The following ARHGAP26 variants were observed in gnomAD, a reference collection of about 807,000 sequenced individuals.
ARHGAP26 encodes Rho GTPase activating protein 26, also known as rho GTPase-activating protein 26.
A neutral mutation model predicts 104.8 loss-of-function variants in ARHGAP26; 38 were observed. The observed-to-expected ratio is 0.36, with a 90% CI of 0.28 to 0.48. ARHGAP26 has a LOEUF of 0.48. Among genes scored for constraint, ARHGAP26 ranks in the 20% least tolerant of loss-of-function variants. The probability of loss-of-function intolerance (pLI) is 0.99; values close to 1 mark genes in which losing one functional copy is unlikely to be tolerated. For missense variants in ARHGAP26, 704 were observed against 947.9 expected (o/e 0.74, Z 3.38); for synonymous variants, 341 against 340.0 (o/e 1.00, Z -0.03).
At chr5:142,907,447 G>T in intron 8 of ARHGAP26, 1 of 227,680 alleles carries the variant, frequency 4.4e-6, no homozygotes. Context: ...TGTATTTTAA[G>T]ACCCACTGGA....
chr5:143,214,290 T>C (rs1353323693), intron 22 of ARHGAP26, among the ~76,000 whole-genome samples: 1 of 152,146 alleles, frequency 6.6e-6, no homozygotes, highest in Non-Finnish European at 1.5e-5. Context: ...CCGGAGACAT[T>C]GTGAAGAGTG....
chr5:143,025,055 C>T (rs751157654), intron 12 of ARHGAP26, among the ~76,000 whole-genome samples: 7 of 152,118 alleles, frequency 4.6e-5, no homozygotes, highest in Non-Finnish European at 7.3e-5. Context: ...CTGGTATTAT[C>T]GGCAATGATT....
At chr5:142,996,221 CA>C (rs1019017258) in intron 11 of ARHGAP26, among the ~76,000 whole-genome samples, 2 of 152,168 alleles carry the variant, frequency 1.3e-5, no homozygotes, top group African/African-American at 4.8e-5. Context: ...TGGCTGGGTG[CA>C]GTGGCTCACA....
At chr5:143,062,899 A>G (rs895237424) in intron 17 of ARHGAP26, among the ~76,000 whole-genome samples, 4 of 152,230 alleles carry the variant, frequency 2.6e-5, no homozygotes, top group Non-Finnish European at 5.9e-5. Flanking sequence ...TTTGCCATCA[A>G]GACTAGTCCA....
At chr5:143,153,314 C>T (rs1219871928) in intron 20 of ARHGAP26, among the ~76,000 whole-genome samples, 3 of 152,176 alleles carry the variant, frequency 2.0e-5, no homozygotes, top group Admixed American at 2.0e-4. Context: ...ATACTGGTCT[C>T]TGGACCTGAG....
At chr5:143,038,684 CTTTTTTTTTTTTTTTT>C (rs60428049) in intron 13 of ARHGAP26, among the ~76,000 whole-genome samples, 18 of 64,436 alleles carry the variant, frequency 2.8e-4, no homozygotes, top group South Asian at 1.9e-3. Context: ...GACATACGGC[CTTTTTTTTTTTTTTTT>C]TTTTTTTTTT....
intron 1 of ARHGAP26, among the ~76,000 whole-genome samples, chr5:142,867,322 TGTGTG>T (rs1754486903): frequency 4.0e-5 from 6 of 148,742 alleles, no homozygotes; most frequent in Non-Finnish European, 8.9e-5. Flanking sequence ...TGTGTGTGTG[TGTGTG>T]TTTTGTTTGT....
chr5:142,900,253 A>T (rs770589832), intron 6 of ARHGAP26, among the ~76,000 whole-genome samples: 2 of 152,190 alleles, frequency 1.3e-5, no homozygotes, highest in Non-Finnish European at 2.9e-5. Flanking sequence ...ATAAGCCCAA[A>T]GCCTTCGGCC....
intron 16 of ARHGAP26, among the ~76,000 whole-genome samples, chr5:143,057,430 T>C (rs1562343294): frequency 6.6e-6 from 1 of 152,096 alleles, no homozygotes; most frequent in Non-Finnish European, 1.5e-5. Flanking sequence ...TTGATGACAA[T>C]TTTTTTGGCA....
chr5:142,799,744 C>A (rs1761690746), intron 1 of ARHGAP26, among the ~76,000 whole-genome samples: 1 of 152,124 alleles, frequency 6.6e-6, no homozygotes, highest in African/African-American at 2.4e-5. Flanking sequence ...GGGAGCAAAC[C>A]CATCTGTTTA....
At chr5:143,216,242 A>G (rs370551709) in intron 22 of ARHGAP26, 7 of 471,018 alleles carry the variant, frequency 1.5e-5, no homozygotes, top group African/African-American at 8.0e-5. Context: ...AGCTCCGGGC[A>G]CCTCCACCTC....
intron 11 of ARHGAP26, among the ~76,000 whole-genome samples, chr5:142,940,839 A>G (rs2578589): frequency 0.48 from 73,118 of 151,700 alleles, 21,688 homozygotes; most frequent in East Asian, 0.91. Flanking sequence ...CACTTTGGGA[A>G]GCCGAGGTGG....
chr5:143,152,792 C>T (rs570332418), intron 20 of ARHGAP26, among the ~76,000 whole-genome samples: 13 of 152,258 alleles, frequency 8.5e-5, no homozygotes, highest in South Asian at 4.2e-4. Context: ...TTAAAGATGA[C>T]GGATTACTGG....
intron 11 of ARHGAP26, among the ~76,000 whole-genome samples, chr5:142,987,729 C>T (rs1490391230): frequency 2.0e-5 from 3 of 152,116 alleles, no homozygotes; most frequent in Non-Finnish European, 2.9e-5. Flanking sequence ...TTGTCAAAGG[C>T]CTTTTCTGTA....
intron 1 of ARHGAP26, among the ~76,000 whole-genome samples, chr5:142,823,520 T>C (rs780610111): frequency 1.3e-5 from 2 of 152,172 alleles, no homozygotes; most frequent in African/African-American, 2.4e-5. Context: ...TACACCACTC[T>C]TTTTGTTTTT....
At chr5:143,140,619 C>T (rs1798400392) in intron 19 of ARHGAP26, among the ~76,000 whole-genome samples, 1 of 152,054 alleles carries the variant, frequency 6.6e-6, no homozygotes, top group South Asian at 2.1e-4. Context: ...TTGGAGCCTG[C>T]AGATTCCAAA....
intron 20 of ARHGAP26, among the ~76,000 whole-genome samples, chr5:143,148,483 A>G (rs1179789861): frequency 6.6e-6 from 1 of 152,236 alleles, no homozygotes; most frequent in Non-Finnish European, 1.5e-5. Context: ...ATGTGACTAT[A>G]CTGTAGGATG....
intron 17 of ARHGAP26, among the ~76,000 whole-genome samples, chr5:143,089,493 T>C (rs6874920): frequency 0.085 from 12,967 of 152,248 alleles, 982 homozygotes; most frequent in East Asian, 0.29. Flanking sequence ...TATACTTCCA[T>C]CAGGGGTGGT....
intron 17 of ARHGAP26, among the ~76,000 whole-genome samples, chr5:143,073,244 G>A (rs10076583): frequency 0.016 from 2,398 of 152,216 alleles, 72 homozygotes; most frequent in African/African-American, 0.054. Flanking sequence ...AAGTTTAAAG[G>A]TAAGTTCCAA....
Sources: allele counts gnomAD v4.1 joint callset (sites outside exome capture counted in the v4.1 genomes callset), GRCh38; gene constraint gnomAD v4.1.1; transcripts MANE v1.5; gene names NCBI Gene and HGNC (gene_info 2026-07-23, HGNC 2026-07-21).